Variants in SMUG1 observed in about 807,000 individuals in gnomAD.
The protein encoded by SMUG1 is single-strand-selective monofunctional uracil-DNA glycosylase 1, also known as single-strand selective monofunctional uracil DNA glycosylase.
Under a neutral mutation model 23.9 loss-of-function variants are expected in SMUG1, and 13 were observed. That is an observed-to-expected ratio of 0.54 (90% CI 0.35 to 0.86). The LOEUF (loss-of-function observed/expected upper bound fraction) is 0.86, where lower values mean the gene tolerates loss of function less well. SMUG1 is among the 40% of genes least tolerant of loss of function. The pLI is 0.01. For missense variants in SMUG1, 313 were observed against 339.5 expected, an observed-to-expected ratio of 0.92 and a Z score of 0.61; for synonymous variants, 133 against 139.8, an observed-to-expected ratio of 0.95 and a Z score of 0.34.
intron 2 of SMUG1, chr12:54,186,726 G>A (rs573975954): frequency 2.0e-4 from 30 of 152,318 alleles, no homozygotes; most frequent in Non-Finnish European, 1.2e-4. Context: ...CATGGTTACC[G>A]TCGTCTTAAT....
At chr12:54,169,054 G>A (rs565596630) in intron 3 of SMUG1, among the ~76,000 whole-genome samples, 3 of 152,302 alleles carry the variant, frequency 2.0e-5, no homozygotes, top group East Asian at 1.9e-4. Flanking sequence ...TGCCTCCCAT[G>A]AGAGGGAAGC....
chr12:54,160,427 T>C (rs1248036380), downstream of SMUG1, among the ~76,000 whole-genome samples: 1 of 152,160 alleles, frequency 6.6e-6, no homozygotes, highest in Non-Finnish European at 1.5e-5. Flanking sequence ...GGAAGAGCCC[T>C]GGCCAGGGGG....
chr12:54,158,374 C>T (rs1296850224), intron 4 of SMUG1, among the ~76,000 whole-genome samples: 3 of 152,194 alleles, frequency 2.0e-5, no homozygotes, highest in South Asian at 2.1e-4. Context: ...CCCTTCCCTA[C>T]TTTCCCTTCT....
chr12:54,188,295 A>AATAATAATAATAAAT (rs869289712), intron 1 of SMUG1, among the ~76,000 whole-genome samples: 31 of 68,898 alleles, frequency 4.5e-4, no homozygotes, highest in African/African-American at 1.3e-3. Context: ...TAATAATAAT[A>AATAATAATAATAAAT]AATAATAATA....
chr12:54,159,073 G>A (rs1054999741), intron 4 of SMUG1, among the ~76,000 whole-genome samples: 8 of 152,176 alleles, frequency 5.3e-5, no homozygotes, highest in African/African-American at 1.9e-4. Flanking sequence ...CCAGGTTAGT[G>A]CCCCCACACC....
intron 2 of SMUG1, among the ~76,000 whole-genome samples, chr12:54,185,166 G>A (rs1942039665): frequency 6.6e-6 from 1 of 152,178 alleles, no homozygotes; most frequent in African/African-American, 2.4e-5. Flanking sequence ...AAATTAGTCA[G>A]GCATGGTGGT....
chr12:54,167,491 A>G (rs1392157605), intron 3 of SMUG1, among the ~76,000 whole-genome samples: 1 of 152,164 alleles, frequency 6.6e-6, no homozygotes, highest in Non-Finnish European at 1.5e-5. Flanking sequence ...GTCCCACCCA[A>G]TAAGCAGGTA....
intron 2 of SMUG1, among the ~76,000 whole-genome samples, chr12:54,185,468 AAAAAAAAATAAAATAAAAAATAAAT>A (rs1942122330): frequency 1.1e-5 from 1 of 87,644 alleles, no homozygotes; most frequent in African/African-American, 3.9e-5. Flanking sequence ...ACTCCATCTC[AAAAAAAAATAAAATAAAAAATAAAT>A]AAATAAATAA....
chr12:54,169,640 G>C (rs1940565082), intron 3 of SMUG1, among the ~76,000 whole-genome samples: 1 of 152,152 alleles, frequency 6.6e-6, no homozygotes, highest in African/African-American at 2.4e-5. Context: ...AGCAGAGATA[G>C]AGGAAAATGA....
chr12:54,160,768 A>G (rs1342656199), downstream of SMUG1, among the ~76,000 whole-genome samples: 2 of 152,140 alleles, frequency 1.3e-5, no homozygotes, highest in African/African-American at 2.4e-5. Flanking sequence ...CTTTTCTGTT[A>G]CCCCAACCTT....
chr12:54,179,775 A>G (rs535060673), downstream of SMUG1, among the ~76,000 whole-genome samples: 4 of 152,282 alleles, frequency 2.6e-5, no homozygotes, highest in South Asian at 6.2e-4. Flanking sequence ...CTGAGGTTGG[A>G]GAATTTCCTA....
At chr12:54,175,774 C>G (rs2136552124), downstream of SMUG1, among the ~76,000 whole-genome samples, 1 of 152,342 alleles carries the variant, frequency 6.6e-6, no homozygotes, top group East Asian at 1.9e-4. Flanking sequence ...CTCCGTCACT[C>G]CCTACAGTGC....
At position 54,182,549 on chromosome 12, in the gene SMUG1, C is replaced by A; in HGVS notation, c.360G>T (p.Glu120Asp). The A allele has an allele frequency of 6.2e-7, 1 of 1,614,162 alleles. No individual in the cohort carries two copies. Among genetic ancestry groups the A allele is most frequent in the Non-Finnish European group, 8.5e-7 (1 of 1,180,022 alleles). Reference sequence around the variant, plus strand: ...GTCCCAGCACTGGTCGTTTAGGATGCTCTTGGGGAGGGGTCAGCACAGGCC... The same window carrying A: ...GTCCCAGCACTGGTCGTTTAGGATGATCTTGGGGAGGGGTCAGCACAGGCC... ...IVGPVLTPPQ[E>D]HPKRPVLGLE... Residue 120 changes from glutamate to aspartate, a missense_variant, in exon 4 of 4, where the codon GAG becomes GAT. Coordinates refer to ENST00000682136, the MANE Select transcript of SMUG1 (RefSeq NM_001243787.2).
intron 2 of SMUG1, chr12:54,172,243 T>G (rs1464290914): frequency 1.3e-5 from 5 of 386,958 alleles, no homozygotes; most frequent in African/African-American, 8.2e-5. Context: ...ACCTCTTAGA[T>G]CTCATCACTT....
rs768020028 is a variant in SMUG1 at position 54,182,380 on chromosome 12, G to A, written c.529C>T (p.Leu177Phe). The change falls in exon 4 of 4, where the codon CTT becomes TTT. Residue 177 changes from leucine to phenylalanine, a missense_variant. Transcript: ENST00000682136. ...LLFLAPSGRNLTPAELPAKQR... is the reference protein window; with the variant it reads ...LLFLAPSGRNFTPAELPAKQR... ...TTGGCAGGCAGCTCAGCAGGAGTAA[G>A]GTTGCGCCCGCTGGGAGCCAGGAAA... The A allele has an allele frequency of 6.2e-7, 1 of 1,614,200 alleles. No individual in the cohort carries two copies. The highest frequency in any genetic ancestry group is 1.1e-5 in the South Asian group (1 of 91,086).
At chr12:54,185,613 T>C (rs1204884816) in intron 2 of SMUG1, among the ~76,000 whole-genome samples, 1 of 151,138 alleles carries the variant, frequency 6.6e-6, no homozygotes, top group Non-Finnish European at 1.5e-5. Context: ...GAGTTCAAGA[T>C]CAACCTGGCC....
chr12:54,167,570 C>T lies in SMUG1; in HGVS notation c.*53-2092G>A, dbSNP rs556540566. 1.1e-4 allele frequency among the ~76,000 whole-genome samples: 16 copies of T among 148,870 alleles called. No homozygotes were observed. The East Asian group carries it at 3.1e-3, about 29-fold the overall frequency. ...ATACACGTCTCTCCTCATGGAACTC[C>T]AGTCCATGGTGCCCTAATGCATTCA... is the stretch of plus-strand genomic sequence containing the variant. On this transcript the variant is annotated intron_variant and NMD_transcript_variant, in intron 3 of 4. Transcript: ENST00000509864.
In SMUG1 at chr12:54,181,148, G is replaced by A. The variant is rs1941011357; in HGVS notation, c.*948C>T. 5.9e-6 allele frequency: 1 copy of A among 169,664 alleles called. No homozygotes were observed. The highest frequency in any genetic ancestry group is 1.7e-4 in the South Asian group (1 of 5,756). The allele number at this position is 169,664 out of a possible 1,614,324, so 10.5% of individuals were successfully genotyped here. ...AAAGTAACAAGACAAAAGGCTTTAG[G>A]AGCTCTTAATGCTTAGAGTGAAAAA... is the stretch of plus-strand genomic sequence containing the variant. On this transcript the variant is annotated 3_prime_UTR_variant, in exon 4 of 4. Transcript: ENST00000682136.
chr12:54,160,282 C>T (rs976031633), downstream of SMUG1, among the ~76,000 whole-genome samples: 1 of 152,230 alleles, frequency 6.6e-6, no homozygotes, highest in African/African-American at 2.4e-5. Context: ...CAGAGCTAAT[C>T]GCTGCTGCTG....
Sources: gnomAD v4.1 joint callset for allele counts (sites outside exome capture counted in the v4.1 genomes callset) on GRCh38, gnomAD v4.1.1 for gene constraint, MANE v1.5 for transcripts, NCBI Gene and HGNC (gene_info 2026-07-23, HGNC 2026-07-21) for gene names.